KIF2A: variants seen among roughly 807,000 people sequenced by gnomAD.
KIF2A encodes the protein kinesin-like protein KIF2A.
KIF2A carries 22 observed loss-of-function variants against 100.2 expected under a neutral mutation model. That is an observed-to-expected ratio of 0.22 (90% CI 0.16 to 0.31). The LOEUF is 0.31. KIF2A is among the 10% of genes least tolerant of loss of function. The pLI, the probability that KIF2A is intolerant of heterozygous loss-of-function variation, is 1.00. For missense variants in KIF2A, 495 were observed against 898.7 expected (o/e 0.55, Z 5.74); for synonymous variants, 268 against 285.9 (o/e 0.94, Z 0.63).
intron 1 of KIF2A, among the ~76,000 whole-genome samples, chr5:62,312,224 A>G (rs1745586525): frequency 6.6e-6 from 1 of 152,338 alleles, no homozygotes; most frequent in Non-Finnish European, 1.5e-5. Flanking sequence ...TTCTTATGAC[A>G]AAGATTTTGA....
chr5:62,306,252 A>C lies in KIF2A; in HGVS notation c.-221A>C. ...CGGCCCCGGCCCTAGCTTCACCCCG[A>C]CTACCCGGCGTGCGCGTCCTCCTGC... On this transcript the variant is annotated 5_prime_UTR_variant, in exon 1 of 21. Transcript: ENST00000407818. The C allele has an allele frequency of 2.1e-5, 11 of 516,578 alleles. No homozygotes were observed. The highest frequency in any genetic ancestry group is 3.1e-5 in the Non-Finnish European group (9 of 293,984). 32.0% of individuals were successfully genotyped at this position (516,578 alleles called of 1,614,324 possible).
In KIF2A at chr5:62,348,030, T is replaced by C; in HGVS notation, c.160-18T>C. 3 of 1,611,620 alleles carry C rather than the reference T, an allele frequency of 1.9e-6. No homozygotes were observed. The highest frequency in any genetic ancestry group is 2.5e-6 in the Non-Finnish European group (3 of 1,178,610). The stretch of plus-strand genomic sequence containing the variant: ...CAAAATATACTCTCAAAAGACTATG[T>C]GTATGTGTTGTGAACAGATTGACCT... On this transcript the variant is annotated intron_variant, in intron 2 of 20. Transcript: ENST00000407818.
intron 1 of KIF2A, among the ~76,000 whole-genome samples, chr5:62,322,462 C>A (rs1314768861): frequency 6.6e-6 from 1 of 152,110 alleles, no homozygotes; most frequent in Non-Finnish European, 1.5e-5. Context: ...CAAGATGAGA[C>A]CTACCTTTAT....
At chr5:62,373,038 A>T (rs1469533455) in intron 17 of KIF2A, among the ~76,000 whole-genome samples, 3 of 151,846 alleles carry the variant, frequency 2.0e-5, no homozygotes, top group Non-Finnish European at 4.4e-5. Context: ...AGAATTCCAG[A>T]CCAACCTGGC....
At chr5:62,334,172 C>T (rs980547532) in intron 1 of KIF2A, among the ~76,000 whole-genome samples, 3 of 152,070 alleles carry the variant, frequency 2.0e-5, no homozygotes, top group East Asian at 1.9e-4. Context: ...GCCCACCCCC[C>T]GGACCCTGAG....
Position 62,358,217 on chromosome 5 carries a change from G to A in KIF2A, c.790G>A (p.Asp264Asn). ...VMVHEPKQKVDLTRYLENQTF... is the reference protein window; with the variant it reads ...VMVHEPKQKVNLTRYLENQTF... ...GGTACATGAACCAAAACAAAAAGTA[G>A]ATTTAACAAGGTACCTAGAAAACCA... The change falls in exon 9 of 21, where the codon GAT becomes AAT. Residue 264 changes from aspartate (D) to asparagine (N), a missense_variant. Coordinates refer to ENST00000407818, the MANE Select transcript of KIF2A (RefSeq NM_001098511.3). The A allele has an allele frequency of 1.2e-6, 2 of 1,605,560 alleles. No homozygotes were observed. Among genetic ancestry groups the A allele is most frequent in the Non-Finnish European group, 1.7e-6 (2 of 1,176,948 alleles).
At chr5:62,327,899 A>G (rs1435349655) in intron 1 of KIF2A, among the ~76,000 whole-genome samples, 3 of 152,096 alleles carry the variant, frequency 2.0e-5, no homozygotes, top group African/African-American at 7.2e-5. Flanking sequence ...ATTCCACAAG[A>G]TCCCTGTCTC....
chr5:62,348,090 C>G lies in KIF2A; in HGVS notation c.202C>G (p.Pro68Ala), dbSNP rs780248688. 1 of 1,613,636 alleles carries G rather than the reference C, an allele frequency of 6.2e-7. No homozygotes were observed. The highest frequency in any genetic ancestry group is 8.5e-7 in the Non-Finnish European group (1 of 1,179,704). ...SIFSLNPDLV[P>A]DEEIEPSPET... ...CTTTTCACTTAACCCTGACCTTGTTCCTGATGAAGAAATTGAACCCAGTCC... is the reference window on the plus strand; with the variant it reads ...CTTTTCACTTAACCCTGACCTTGTTGCTGATGAAGAAATTGAACCCAGTCC... Residue 68 changes from proline (P) to alanine (A), a missense_variant, in exon 3 of 21, where the codon CCT becomes GCT. Pro to Ala is a conservative substitution (Grantham distance 27). Transcript: ENST00000407818.
intron 3 of KIF2A, 51 bp from the exon 4 acceptor site, chr5:62,350,015 A>G (rs1747770390): frequency 5.0e-6 from 6 of 1,192,788 alleles, no homozygotes; most frequent in Non-Finnish European, 4.8e-6. Flanking sequence ...ATCATGATAC[A>G]TATGAGGGAG....
At position 62,383,465 on chromosome 5, in the gene KIF2A, G is replaced by C. The variant is rs552821662; in HGVS notation, c.2150-2019G>C. 1.5e-3 allele frequency among the ~76,000 whole-genome samples: 220 copies of C among 149,502 alleles called. 3 individuals carry two copies. Among genetic ancestry groups the C allele is most frequent in the Middle Eastern group, 0.014 (4 of 282 alleles). On this transcript the variant is annotated intron_variant, in intron 20 of 20. Coordinates refer to ENST00000407818, the MANE Select transcript of KIF2A (RefSeq NM_001098511.3). ...TCATTGTGTTAGTCAGGATGGTCTCGATCTCCTGACCTTGTGATCCGCCCA... is the reference window on the plus strand; with the variant it reads ...TCATTGTGTTAGTCAGGATGGTCTCCATCTCCTGACCTTGTGATCCGCCCA...
chr5:62,321,755 C>T (rs138730508), intron 1 of KIF2A, among the ~76,000 whole-genome samples: 45 of 151,678 alleles, frequency 3.0e-4, no homozygotes, highest in African/African-American at 9.4e-4. Context: ...AGACATGTTT[C>T]GCCACGTTTC....
At chr5:62,363,458 T>C in intron 13 of KIF2A, 138 bp downstream of exon 13, 1 of 805,614 alleles carries the variant, frequency 1.2e-6, no homozygotes, top group African/African-American at 1.7e-5. Context: ...TACATGTAAA[T>C]GTGAGTGACA....
intron 1 of KIF2A, among the ~76,000 whole-genome samples, chr5:62,314,522 AC>A (rs1745710352): frequency 6.6e-6 from 1 of 152,158 alleles, no homozygotes; most frequent in African/African-American, 2.4e-5. Context: ...GGATGCAGCT[AC>A]TGGTGGTTAT....
At chr5:62,323,492 C>G (rs924539398) in intron 1 of KIF2A, among the ~76,000 whole-genome samples, 1 of 150,216 alleles carries the variant, frequency 6.7e-6, no homozygotes, top group African/African-American at 2.5e-5. Flanking sequence ...CACTGCACTC[C>G]AGCCTGGGCG....
At chr5:62,329,886 G>A (rs1317923070) in intron 1 of KIF2A, among the ~76,000 whole-genome samples, 1 of 152,120 alleles carries the variant, frequency 6.6e-6, no homozygotes, top group Non-Finnish European at 1.5e-5. Context: ...TGTTTTAAAA[G>A]ACCAATCTTA....
intron 19 of KIF2A, among the ~76,000 whole-genome samples, chr5:62,379,473 AC>A (rs1741686976): frequency 6.6e-6 from 1 of 152,030 alleles, no homozygotes; most frequent in African/African-American, 2.4e-5. Flanking sequence ...TACCAGCCTG[AC>A]CAATATGGAG....
At chr5:62,384,143 AG>A (rs755062208) in intron 20 of KIF2A, among the ~76,000 whole-genome samples, 21 of 152,154 alleles carry the variant, frequency 1.4e-4, no homozygotes, top group Non-Finnish European at 2.9e-4. Flanking sequence ...AGGCTGAGAC[AG>A]GAGAATCACT....
At chr5:62,368,886 G>A (rs1741201230) in intron 16 of KIF2A, among the ~76,000 whole-genome samples, 1 of 151,916 alleles carries the variant, frequency 6.6e-6, no homozygotes, top group African/African-American at 2.4e-5. Context: ...AATCCTTATT[G>A]TGTTAGTTTT....
chr5:62,321,535 G>A (rs1746090842), intron 1 of KIF2A, among the ~76,000 whole-genome samples: 1 of 151,970 alleles, frequency 6.6e-6, no homozygotes, highest in South Asian at 2.1e-4. Context: ...GTCTTTCCAT[G>A]TGTTCATTTA....
Sources: allele counts gnomAD v4.1 joint callset (sites outside exome capture counted in the v4.1 genomes callset), GRCh38; gene constraint gnomAD v4.1.1; transcripts MANE v1.5; gene names NCBI Gene and HGNC (gene_info 2026-07-23, HGNC 2026-07-21).